PAH: variants seen among roughly 807,000 people sequenced by gnomAD.
PAH encodes phenylalanine-4-hydroxylase.
A neutral mutation model predicts 62.0 loss-of-function variants in PAH; 64 were observed. The observed-to-expected ratio is 1.03, with a 90% confidence interval of 0.84 to 1.27. PAH has a LOEUF of 1.27. PAH is among the 50% of genes most tolerant of loss of function. PAH has a pLI of 0.00. For missense variants in PAH, 579 were observed against 542.8 expected (o/e 1.07, Z -0.66); for synonymous variants, 195 against 196.2 (o/e 0.99, Z 0.05).
chr12:102,881,598 T>C (rs1466359741), intron 3 of PAH, among the ~76,000 whole-genome samples: 1 of 152,188 alleles, frequency 6.6e-6, no homozygotes, highest in Non-Finnish European at 1.5e-5. Flanking sequence ...CTTTGTACCC[T>C]TGACCATCTC....
At position 102,837,476 on chromosome 12, in the gene PAH, T is replaced by C. The variant is rs1013658363; in HGVS notation, c.*1699A>G. The C allele has an allele frequency of 6.6e-6, 1 of 152,238 alleles. No individual in the cohort carries two copies. The highest frequency in any genetic ancestry group is 2.4e-5 in the African/African-American group (1 of 41,466). 9.4% of individuals were successfully genotyped at this position (152,238 alleles called of 1,614,324 possible). On this transcript the variant is annotated 3_prime_UTR_variant, in exon 13 of 13. Coordinates refer to ENST00000553106, the MANE Select transcript of PAH (RefSeq NM_000277.3). ...AGAGTAAAAGCAGAGAAAAAAGTCC[T>C]TTTTCACTTTTAAAATCAGTGGGTT...
chr12:102,900,580 G>C (rs1343991570), intron 2 of PAH, among the ~76,000 whole-genome samples: 1 of 152,136 alleles, frequency 6.6e-6, no homozygotes, highest in Non-Finnish European at 1.5e-5. Context: ...ACTGAACATA[G>C]AGCTGAATTG....
chr12:102,845,648 A>T (rs1326684140), intron 9 of PAH, among the ~76,000 whole-genome samples: 1 of 152,154 alleles, frequency 6.6e-6, no homozygotes, highest in African/African-American at 2.4e-5. Flanking sequence ...TTGGAGAATT[A>T]GGGGTAGGTT....
At chr12:102,910,916 TG>T (rs1408966728) in intron 2 of PAH, among the ~76,000 whole-genome samples, 1 of 152,086 alleles carries the variant, frequency 6.6e-6, no homozygotes, top group African/African-American at 2.4e-5. Context: ...GCATGGGCTT[TG>T]GGGGGAAGTT....
chr12:102,846,904 C>G lies in PAH; in HGVS notation c.960G>C (p.Lys320Asn), dbSNP rs199475615. 4 of 1,613,534 alleles carry G rather than the reference C, an allele frequency of 2.5e-6. No individual in the cohort carries two copies. The highest frequency in any genetic ancestry group is 3.4e-6 in the Non-Finnish European group (4 of 1,179,546). The change falls in exon 9 of 13, where the codon AAG (lysine) becomes AAC (asparagine). Residue 320 changes from lysine (K) to asparagine (N), a missense_variant. Lys to Asn is a moderately conservative substitution (Grantham distance 94, BLOSUM62 0). Coordinates refer to ENST00000553106, the MANE Select transcript of PAH (RefSeq NM_000277.3). ...SLGAPDEYIEKLATIYWFTVE... is the reference protein window; with the variant it reads ...SLGAPDEYIENLATIYWFTVE... ...GAGAGAAGGGACTTACTGTGGCGAGCTTTTCAATGTATTCATCAGGTGCAC... is the reference window on the plus strand; with the variant it reads ...GAGAGAAGGGACTTACTGTGGCGAGGTTTTCAATGTATTCATCAGGTGCAC...
At chr12:102,862,570 T>TA (rs1875775118) in intron 5 of PAH, among the ~76,000 whole-genome samples, 1 of 151,856 alleles carries the variant, frequency 6.6e-6, no homozygotes, top group African/African-American at 2.4e-5. Context: ...ATTAAAGATT[T>TA]TAAAAAAAAA....
intron 11 of PAH, among the ~76,000 whole-genome samples, chr12:102,842,154 T>A (rs1461706719): frequency 1.3e-5 from 2 of 152,016 alleles, no homozygotes; most frequent in Non-Finnish European, 2.9e-5. Context: ...GGTTAGAGAG[T>A]TGTCTCCAGG....
chr12:102,901,348 G>A (rs1401091688), intron 2 of PAH, among the ~76,000 whole-genome samples: 1 of 152,106 alleles, frequency 6.6e-6, no homozygotes, highest in Non-Finnish European at 1.5e-5. Flanking sequence ...GGTATTCTGT[G>A]TTTAAAATAA....
intron 2 of PAH, among the ~76,000 whole-genome samples, chr12:102,898,025 C>T (rs1877583477): frequency 6.6e-6 from 1 of 152,160 alleles, no homozygotes; most frequent in Admixed American, 6.5e-5. Context: ...TCAGCAGCAA[C>T]ACTTGGCAAA....
At chr12:102,869,077 T>C (rs1876191984) in intron 4 of PAH, among the ~76,000 whole-genome samples, 1 of 152,200 alleles carries the variant, frequency 6.6e-6, no homozygotes, top group African/African-American at 2.4e-5. Context: ...CAAGTTGAGA[T>C]TTGAGCACTG....
chr12:102,885,810 A>G (rs1039541973), intron 3 of PAH, among the ~76,000 whole-genome samples: 10 of 152,142 alleles, frequency 6.6e-5, no homozygotes, highest in African/African-American at 2.4e-4. Flanking sequence ...CACCAGCCCC[A>G]GGGGTTAGCC....
At chr12:102,952,695 C>T (rs932150864), upstream of PAH, among the ~76,000 whole-genome samples, 40 of 152,188 alleles carry the variant, frequency 2.6e-4, no homozygotes, top group Non-Finnish European at 1.0e-4. Flanking sequence ...CCTCACCCCA[C>T]CCCACATTCC....
chr12:102,928,278 C>T (rs1160105210), intron 1 of PAH, among the ~76,000 whole-genome samples: 1 of 152,128 alleles, frequency 6.6e-6, no homozygotes, highest in Admixed American at 6.6e-5. Context: ...TCACCTCAAG[C>T]ATTTATCCTT....
intron 1 of PAH, among the ~76,000 whole-genome samples, chr12:102,956,956 T>C (rs974209752): frequency 1.1e-4 from 16 of 152,138 alleles, no homozygotes; most frequent in African/African-American, 3.9e-4. Flanking sequence ...TCAGAGAGGA[T>C]GCCACTTCGA....
chr12:102,851,666 G>C (rs1476265455), intron 8 of PAH, 21 bp downstream of exon 8: 3 of 1,608,100 alleles, frequency 1.9e-6, no homozygotes, highest in Non-Finnish European at 2.6e-6. Context: ...TAACTAGAAG[G>C]CTAAAAAATC....
intron 4 of PAH, 51 bp downstream of exon 4, chr12:102,877,411 G>C (rs752608671): frequency 8.4e-7 from 1 of 1,189,122 alleles, no homozygotes; most frequent in East Asian, 2.3e-5. Context: ...GAAGGGAGGG[G>C]AGTGGAGGAG....
rs1425556025 is a variant in PAH, at chr12:102,855,117, G to T, written c.706+19C>A. Reference sequence around the variant, plus strand: ...TCCCCCAACTTTCTGCAGGGCCATTGACCCTGATGTGGACTTACTCTGCAG... The same window carrying T: ...TCCCCCAACTTTCTGCAGGGCCATTTACCCTGATGTGGACTTACTCTGCAG... On this transcript the variant is annotated intron_variant, in intron 6 of 12. Transcript: ENST00000553106. 2.5e-6 allele frequency: 4 copies of T among 1,604,474 alleles called. No homozygotes were observed. The highest frequency in any genetic ancestry group is 1.1e-5 in the South Asian group (1 of 90,832).
intron 5 of PAH, among the ~76,000 whole-genome samples, chr12:102,865,765 T>C (rs910904021): frequency 2.0e-5 from 3 of 152,230 alleles, no homozygotes; most frequent in Non-Finnish European, 4.4e-5. Context: ...TCCGGAGGTT[T>C]TTCCATGTTG....
At chr12:102,882,737 A>G (rs1270738802) in intron 3 of PAH, among the ~76,000 whole-genome samples, 1 of 149,882 alleles carries the variant, frequency 6.7e-6, no homozygotes, top group Non-Finnish European at 1.5e-5. Context: ...AAAGTTTTCC[A>G]GCAAGCCTAG....
Sources: allele counts gnomAD v4.1 joint callset (sites outside exome capture counted in the v4.1 genomes callset), GRCh38; gene constraint gnomAD v4.1.1; transcripts MANE v1.5; gene names NCBI Gene and HGNC (gene_info 2026-07-23, HGNC 2026-07-21).